The following ATOSA variants were observed in gnomAD, a reference collection of about 807,000 sequenced individuals.
The protein encoded by ATOSA is atos homolog protein A.
chr15:52,599,757 A>G, the ATOSA span, among the ~76,000 whole-genome samples: 1 of 152,210 alleles, frequency 6.6e-6, no homozygotes, highest in Non-Finnish European at 1.5e-5. Context: ...TGGTTTTGCA[A>G]ATCAACTTCC....
chr15:52,675,896 A>C, the ATOSA span, among the ~76,000 whole-genome samples: 1 of 149,884 alleles, frequency 6.7e-6, no homozygotes, highest in Non-Finnish European at 1.5e-5. Flanking sequence ...ACAGAGCGAG[A>C]CTCCGTCTCA....
chr15:52,624,544 TA>T, the ATOSA span, among the ~76,000 whole-genome samples: 10 of 152,222 alleles, frequency 6.6e-5, no homozygotes, highest in Admixed American at 2.6e-4. Flanking sequence ...CTTAGGGCAT[TA>T]ATCACAAATG....
At chr15:52,699,340 G>A in the ATOSA span, among the ~76,000 whole-genome samples, 1 of 152,006 alleles carries the variant, frequency 6.6e-6, no homozygotes, top group East Asian at 1.9e-4. Flanking sequence ...AGAATATTTG[G>A]CTAGAAAGAA....
At chr15:52,645,749 G>A in the ATOSA span, among the ~76,000 whole-genome samples, 270 of 152,202 alleles carry the variant, frequency 1.8e-3, 1 homozygote, top group East Asian at 0.025. Flanking sequence ...AGAAAATATT[G>A]TCCTTTTCAC....
At chr15:52,609,302 A>G in the ATOSA span, 1 of 1,613,916 alleles carries the variant, frequency 6.2e-7, no homozygotes, top group Non-Finnish European at 8.5e-7. Context: ...GAAACTGAGG[A>G]CTCATCCTTA....
chr15:52,584,897 T>G, the ATOSA span: 1 of 1,613,188 alleles, frequency 6.2e-7, no homozygotes, highest in Non-Finnish European at 8.5e-7. Flanking sequence ...GTAAATCATA[T>G]ATCACAACAA....
the ATOSA span, among the ~76,000 whole-genome samples, chr15:52,620,358 G>A: frequency 6.6e-6 from 1 of 152,160 alleles, no homozygotes; most frequent in African/African-American, 2.4e-5. Context: ...AACCACAGGA[G>A]AGAGACCAGA....
At chr15:52,664,950 TG>T in the ATOSA span, among the ~76,000 whole-genome samples, 88,331 of 142,742 alleles carry the variant, frequency 0.62, 29,010 homozygotes, top group Non-Finnish European at 0.75. Context: ...GTGTTGGGGG[TG>T]GGGGGGTGCA....
At chr15:52,665,023 T>C in the ATOSA span, among the ~76,000 whole-genome samples, 2 of 152,102 alleles carry the variant, frequency 1.3e-5, no homozygotes, top group South Asian at 4.1e-4. Context: ...GAAAACCAAA[T>C]ATTGCACGTT....
At chr15:52,613,584 G>T in the ATOSA span, 1 of 1,328,580 alleles carries the variant, frequency 7.5e-7, no homozygotes, top group South Asian at 1.5e-5. Flanking sequence ...ATTGAAATAT[G>T]ACAATTATAA....
At chr15:52,664,362 G>A in the ATOSA span, among the ~76,000 whole-genome samples, 7 of 152,324 alleles carry the variant, frequency 4.6e-5, no homozygotes, top group African/African-American at 1.7e-4. Flanking sequence ...TATCCTCAGC[G>A]TGACAACTTG....
chr15:52,667,993 A>G, the ATOSA span, among the ~76,000 whole-genome samples: 1 of 152,270 alleles, frequency 6.6e-6, no homozygotes, highest in Non-Finnish European at 1.5e-5. Flanking sequence ...TACGGAAAAC[A>G]GTATAGACAT....
the ATOSA span, chr15:52,593,866 T>A: frequency 1.1e-6 from 1 of 935,198 alleles, no homozygotes; most frequent in African/African-American, 1.7e-5. Context: ...CTATGCTTTC[T>A]AGCACTAGAA....
At chr15:52,617,675 CTT>C in the ATOSA span, among the ~76,000 whole-genome samples, 4 of 151,380 alleles carry the variant, frequency 2.6e-5, no homozygotes, top group South Asian at 6.2e-4. Context: ...TTAAAACAAA[CTT>C]AGCTTCATAC....
the ATOSA span, among the ~76,000 whole-genome samples, chr15:52,702,032 G>C: frequency 4.6e-5 from 7 of 152,174 alleles, no homozygotes; most frequent in Non-Finnish European, 2.9e-5. Context: ...TCACTAATCA[G>C]AGAAATGCAA....
the ATOSA span, among the ~76,000 whole-genome samples, chr15:52,697,957 A>ATTTTTT: frequency 1.1e-3 from 49 of 44,782 alleles, 3 homozygotes; most frequent in Non-Finnish European, 1.4e-3. Flanking sequence ...GGGATGTAGA[A>ATTTTTT]TTTTTTTTTT....
chr15:52,599,907 G>A, the ATOSA span, among the ~76,000 whole-genome samples: 1 of 152,088 alleles, frequency 6.6e-6, no homozygotes, highest in South Asian at 2.1e-4. Context: ...ATTTCATCAG[G>A]TCTTCTCTTC....
chr15:52,583,793 T>G, the ATOSA span, among the ~76,000 whole-genome samples: 1 of 152,210 alleles, frequency 6.6e-6, no homozygotes, highest in Admixed American at 6.5e-5. Flanking sequence ...AGTGTCAGAT[T>G]TGGTTGAAAT....
At chr15:52,674,114 A>G in the ATOSA span, among the ~76,000 whole-genome samples, 1 of 152,352 alleles carries the variant, frequency 6.6e-6, no homozygotes, top group Non-Finnish European at 1.5e-5. Flanking sequence ...TTAATCTTTC[A>G]TAGCAGTTTT....
Sources: allele counts gnomAD v4.1 joint callset (sites outside exome capture counted in the v4.1 genomes callset), GRCh38; gene constraint gnomAD v4.1.1; transcripts MANE v1.5; gene names NCBI Gene and HGNC (gene_info 2026-07-23, HGNC 2026-07-21).